The following MIS18BP1 variants were observed in gnomAD, a reference collection of about 807,000 sequenced individuals.
The protein encoded by MIS18BP1 is MIS18 binding protein 1.
In MIS18BP1, 72 loss-of-function variants were observed where a neutral mutation model predicts 116.1. The observed-to-expected ratio is 0.62, with a 90% CI of 0.51 to 0.75. The LOEUF (loss-of-function observed/expected upper bound fraction) is 0.75. Ranked by LOEUF, MIS18BP1 falls within the 30% of genes least tolerant of loss-of-function variation. The probability of loss-of-function intolerance (pLI) is 0.00; values close to 1 mark genes in which losing one functional copy is unlikely to be tolerated. For synonymous variants in MIS18BP1, 386 were observed against 427.0 expected, an observed-to-expected ratio of 0.90 and a Z score of 1.18; for missense variants, 1,363 against 1,303.2, an observed-to-expected ratio of 1.05 and a Z score of -0.71.
At position 45,232,653 on chromosome 14, in the gene MIS18BP1, G is replaced by T. The variant is rs1479895941; in HGVS notation, c.1436+80C>A. 13 of 799,862 alleles carry T rather than the reference G, an allele frequency of 1.6e-5. No homozygotes were observed. In the Admixed American group the frequency reaches 2.6e-4, roughly 16 times the overall value. 49.5% of individuals were successfully genotyped at this position (799,862 alleles called of 1,614,324 possible). On this transcript the variant is annotated intron_variant, in intron 7 of 16. Transcript: ENST00000310806. The stretch of plus-strand genomic sequence containing the variant: ...CTATTAAAAATACAAAAATTAGCTG[G>T]ACATGGTGGCACACACATAATTAAA...
intron 1 of MIS18BP1, among the ~76,000 whole-genome samples, chr14:45,248,210 T>C (rs60935005): frequency 2.6e-5 from 4 of 151,858 alleles, no homozygotes; most frequent in South Asian, 2.1e-4. Context: ...ATTGGAATTA[T>C]GTATGCACCA....
rs746111223 is a variant in MIS18BP1, at chr14:45,242,387, T to C, written c.790A>G (p.Lys264Glu). The C allele has an allele frequency of 8.1e-6, 13 of 1,613,968 alleles. No homozygotes were observed. The highest frequency in any genetic ancestry group is 3.3e-4 in the Middle Eastern group (2 of 6,082). The change falls in exon 4 of 17, where the codon AAA (lysine) becomes GAA (glutamate). Residue 264 changes from lysine to glutamate, a missense_variant. By Grantham distance (56) the Lys-to-Glu change is moderately conservative (BLOSUM62 1). Coordinates refer to ENST00000310806, the MANE Select transcript of MIS18BP1 (RefSeq NM_018353.5). ...CTTTCTAAAACAAACGTGTCCTTTT[T>C]GGATTTAGTGGTTGCAACTATACTC... is the stretch of plus-strand genomic sequence containing the variant. The part of the protein sequence containing the change: ...KESIVATTKS[K>E]KDTFVLESVD...
At chr14:45,209,363 G>T (rs1178692397) in intron 14 of MIS18BP1, among the ~76,000 whole-genome samples, 1 of 151,410 alleles carries the variant, frequency 6.6e-6, no homozygotes, top group Non-Finnish European at 1.5e-5. Flanking sequence ...ATCTCACTCT[G>T]TTGCCCAGGA....
At chr14:45,244,011 G>A (rs1008353597) in intron 2 of MIS18BP1, among the ~76,000 whole-genome samples, 5 of 152,086 alleles carry the variant, frequency 3.3e-5, no homozygotes, top group Non-Finnish European at 5.9e-5. Flanking sequence ...CAGGCTATAT[G>A]AGAAATAGAT....
At position 45,204,046 on chromosome 14, in the gene MIS18BP1, T is replaced by C. The variant is rs1890439285; in HGVS notation, c.*63A>G. 1.9e-6 allele frequency: 3 copies of C among 1,557,964 alleles called. No individual in the cohort carries two copies. The highest frequency in any genetic ancestry group is 1.7e-6 in the Non-Finnish European group (2 of 1,156,286). ...TACAAAGAAAATACATGTACTCCAG[T>C]TGAAAATACAAACACTGTCTGCTTT... On this transcript the variant is annotated 3_prime_UTR_variant, in exon 17 of 17. Transcript: ENST00000310806.
At chr14:45,227,920 T>C (rs1891171020) in intron 8 of MIS18BP1, 106 bp from the exon 9 acceptor site, 1 of 1,137,302 alleles carries the variant, frequency 8.8e-7, no homozygotes, top group Admixed American at 2.2e-5. Context: ...CTCACGCCTG[T>C]AATCCCAGCA....
chr14:45,210,110 G>GTT (rs528816614), intron 14 of MIS18BP1: 708 of 231,990 alleles, frequency 3.1e-3, no homozygotes, highest in Non-Finnish European at 3.4e-3. Flanking sequence ...GGTTTCTTTA[G>GTT]TTTTTTTTTT....
At chr14:45,218,027 A>G (rs533715383) in intron 12 of MIS18BP1, among the ~76,000 whole-genome samples, 106 of 152,338 alleles carry the variant, frequency 7.0e-4, no homozygotes, top group South Asian at 1.7e-3. Flanking sequence ...ACAATAATTC[A>G]GATATTGAAA....
At chr14:45,245,877 TA>T (rs1891710009) in intron 2 of MIS18BP1, among the ~76,000 whole-genome samples, 1 of 152,246 alleles carries the variant, frequency 6.6e-6, no homozygotes, top group Admixed American at 6.5e-5. Context: ...CCCTAATACC[TA>T]AACTTAGATT....
At chr14:45,242,601 A>G in intron 3 of MIS18BP1, 83 bp from the exon 4 acceptor site, 2 of 1,492,688 alleles carry the variant, frequency 1.3e-6, no homozygotes, top group South Asian at 2.8e-5. Flanking sequence ...TAGGTTAGGA[A>G]CGTTCCACCC....
At chr14:45,212,669 A>T (rs1019165526) in intron 13 of MIS18BP1, among the ~76,000 whole-genome samples, 9 of 152,198 alleles carry the variant, frequency 5.9e-5, no homozygotes, top group Non-Finnish European at 1.0e-4. Flanking sequence ...GGAAAAATGG[A>T]GGAGTTTAAC....
chr14:45,237,486 C>G (rs1380954743), intron 5 of MIS18BP1, among the ~76,000 whole-genome samples, 162 bp downstream of exon 5: 1 of 152,176 alleles, frequency 6.6e-6, no homozygotes, highest in East Asian at 1.9e-4. Flanking sequence ...TGGTAGCAAT[C>G]AACATGGCTA....
intron 11 of MIS18BP1, among the ~76,000 whole-genome samples, chr14:45,219,849 C>T (rs940914146): frequency 2.6e-5 from 4 of 152,186 alleles, no homozygotes; most frequent in African/African-American, 9.7e-5. Context: ...ATAACTATTA[C>T]ATAACACAAA....
chr14:45,240,644 G>T (rs1054670566), intron 4 of MIS18BP1, among the ~76,000 whole-genome samples: 3 of 152,066 alleles, frequency 2.0e-5, no homozygotes, highest in Non-Finnish European at 4.4e-5. Context: ...AGCTGGAGTT[G>T]GACAGGGGAT....
chr14:45,233,901 T>C (rs903829223), intron 6 of MIS18BP1, among the ~76,000 whole-genome samples: 3 of 152,118 alleles, frequency 2.0e-5, no homozygotes, highest in Admixed American at 1.3e-4. Flanking sequence ...TGGTTTGAGA[T>C]ATAAAATTGG....
At chr14:45,243,252 G>C (rs1451364225) in intron 2 of MIS18BP1, among the ~76,000 whole-genome samples, 2 of 152,078 alleles carry the variant, frequency 1.3e-5, no homozygotes, top group African/African-American at 2.4e-5. Flanking sequence ...TGAAAATTCC[G>C]ATTCTGTTTC....
Position 45,231,245 on chromosome 14 carries a change from G to C in MIS18BP1, c.1490C>G (p.Ser497Cys). Residue 497 changes from serine to cysteine, a missense_variant, in exon 8 of 17, where the codon TCT becomes TGT. By Grantham distance (112) the Ser-to-Cys change is moderately radical. Coordinates refer to ENST00000310806, the MANE Select transcript of MIS18BP1 (RefSeq NM_018353.5). ...KTKQKQKTGRSVRDIRKSMKN... is the reference protein window; with the variant it reads ...KTKQKQKTGRCVRDIRKSMKN... ...CATTGATTTCCTTATGTCACGGACA[G>C]ATCTTCCAGTTTTCTGTTTTTGTTT... is the stretch of plus-strand genomic sequence containing the variant. 1.2e-6 allele frequency: 2 copies of C among 1,612,766 alleles called. No individual in the cohort carries two copies. Among genetic ancestry groups the C allele is most frequent in the Non-Finnish European group, 1.7e-6 (2 of 1,179,262 alleles).
chr14:45,213,990 A>G (rs1018024100), intron 13 of MIS18BP1, among the ~76,000 whole-genome samples: 1 of 152,186 alleles, frequency 6.6e-6, no homozygotes, highest in East Asian at 1.9e-4. Flanking sequence ...TCTAATCTCA[A>G]GTACCCAGGG....
In MIS18BP1 at chr14:45,231,197, T is replaced by C. The variant is rs1467820806; in HGVS notation, c.1538A>G (p.Gln513Arg). Residue 513 changes from glutamine to arginine, a missense_variant, in exon 8 of 17, where the codon CAA becomes CGA. Physicochemically the swap from Gln to Arg is conservative, Grantham distance 43. Transcript: ENST00000310806. ...KSMKNDAREN[Q>R]TDTAQRATTT... ...GGTGGCTCTTTGAGCAGTATCTGTTTGGTTTTCTCGTGCATCATTTTTCAT... is the reference window on the plus strand; with the variant it reads ...GGTGGCTCTTTGAGCAGTATCTGTTCGGTTTTCTCGTGCATCATTTTTCAT... The C allele has an allele frequency of 1.2e-6, 2 of 1,614,056 alleles. No individual in the cohort carries two copies. Among genetic ancestry groups the C allele is most frequent in the South Asian group, 2.2e-5 (2 of 91,054 alleles).
Sources: gnomAD v4.1 joint callset for allele counts (sites outside exome capture counted in the v4.1 genomes callset) on GRCh38, gnomAD v4.1.1 for gene constraint, MANE v1.5 for transcripts, NCBI Gene and HGNC (gene_info 2026-07-23, HGNC 2026-07-21) for gene names.